Variants in SH2B2 observed in about 807,000 individuals in gnomAD.
SH2B2 encodes the protein SH2B adapter protein 2.
Under a neutral mutation model 35.7 loss-of-function variants are expected in SH2B2, and 37 were observed. The ratio of observed to expected loss-of-function variants is 1.04; its 90% CI spans 0.80 to 1.36. SH2B2 has a LOEUF of 1.36. SH2B2 is among the 40% of genes most tolerant of loss of function. The pLI, the probability that SH2B2 is intolerant of heterozygous loss-of-function variation, is 0.00. For synonymous variants in SH2B2, 383 were observed against 376.4 expected (o/e 1.02, Z -0.20); for missense variants, 852 against 817.7 (o/e 1.04, Z -0.51).
Position 102,317,248 on chromosome 7 carries a change from ATGGTTCCACGGGACAC to A in SH2B2, c.1251_1266del (p.Trp417CysfsTer22). The A allele has an allele frequency of 6.2e-7, 1 of 1,613,162 alleles. No individual in the cohort carries two copies. The highest frequency in any genetic ancestry group is 8.5e-7 in the Non-Finnish European group (1 of 1,179,596). ...CCGAGCTGGAGCTATCCGACTACCC[ATGGTTCCACGGGACAC>A]TGTCCCGGGTCAAGGCTGCTCAACT... On this transcript the variant is annotated frameshift_variant, in exon 7 of 9. Coordinates refer to ENST00000444095, the MANE Select transcript of SH2B2 (RefSeq NM_001359228.2). LOFTEE classifies it high-confidence loss of function.
At chr7:102,303,864 C>T (rs932064432) in intron 2 of SH2B2, among the ~76,000 whole-genome samples, 6 of 152,174 alleles carry the variant, frequency 3.9e-5, no homozygotes, top group African/African-American at 1.2e-4. Flanking sequence ...AGCTGGTGCC[C>T]GCCCCCGCCC....
Position 102,296,312 on chromosome 7 carries a change from G to T in SH2B2, c.-29-4210G>T, listed in dbSNP as rs567092917. ...TTGGATCCCAGAGGAGAGATGAGAT[G>T]GTGATCCCAGGAGCTGCGAGGGAGG... On this transcript the variant is annotated intron_variant, in intron 1 of 8. Coordinates refer to ENST00000444095, the MANE Select transcript of SH2B2 (RefSeq NM_001359228.2). Among the ~76,000 whole-genome samples, 4 of 152,306 alleles carry T rather than the reference G, an allele frequency of 2.6e-5. No individual in the cohort carries two copies. In the East Asian group the frequency reaches 7.7e-4, roughly 29 times the overall value.
intron 8 of SH2B2, among the ~76,000 whole-genome samples, 186 bp from the exon 9 acceptor site, chr7:102,321,113 G>C (rs931009574): frequency 6.6e-5 from 10 of 152,182 alleles, no homozygotes; most frequent in Admixed American, 2.6e-4. Flanking sequence ...CGCGTGGTTA[G>C]GTACATGTAT....
chr7:102,320,541 A>AG, intron 8 of SH2B2, 39 bp downstream of exon 8: 1 of 1,596,948 alleles, frequency 6.3e-7, no homozygotes, highest in South Asian at 1.1e-5. Context: ...TTACTCAAGA[A>AG]GACTTCCCGT....
intron 1 of SH2B2, among the ~76,000 whole-genome samples, chr7:102,287,927 C>G (rs1276810129): frequency 6.6e-6 from 1 of 152,208 alleles, no homozygotes; most frequent in Non-Finnish European, 1.5e-5. Context: ...ACGAATAAGC[C>G]AGGATCTACG....
In SH2B2 at chr7:102,321,649, T is replaced by G; in HGVS notation, c.*19T>G. The G allele has an allele frequency of 8.8e-7, 1 of 1,129,944 alleles. No individual in the cohort carries two copies. The highest frequency in any genetic ancestry group is 1.1e-6 in the Non-Finnish European group (1 of 921,074). 70.0% of individuals were successfully genotyped at this position (1,129,944 alleles called of 1,614,324 possible). On this transcript the variant is annotated 3_prime_UTR_variant, in exon 9 of 9. Coordinates refer to ENST00000444095, the MANE Select transcript of SH2B2 (RefSeq NM_001359228.2). ...CTACTAGCCCGCGGCGCCGCCCGGG[T>G]GGGACACGCCAAGCTCTTCAGTGAA...
At chr7:102,286,716 C>T (rs1307192764), upstream of SH2B2, among the ~76,000 whole-genome samples, 1 of 135,988 alleles carries the variant, frequency 7.4e-6, no homozygotes. Context: ...GCCGCTCGGG[C>T]TCCGCGGATG....
chr7:102,306,067 G>C (rs1254632224), intron 2 of SH2B2, among the ~76,000 whole-genome samples: 1 of 151,528 alleles, frequency 6.6e-6, no homozygotes, highest in African/African-American at 2.4e-5. Context: ...ACTCGGCTAA[G>C]TTTTTTGGTC....
chr7:102,320,503 G>C lies in SH2B2; in HGVS notation c.1567+1G>C, dbSNP rs890800501. On this transcript the variant is annotated splice_donor_variant, in intron 8 of 8. Coordinates refer to ENST00000444095, the MANE Select transcript of SH2B2 (RefSeq NM_001359228.2). LOFTEE classifies it high-confidence loss of function. ...GTGCGGGCCCAGGACCCCCCACCAG[G>C]TAAGATGCCGCCACCTGGCTGGTGT... 8 of 1,611,852 alleles carry C rather than the reference G, an allele frequency of 5.0e-6. No homozygotes were observed. Among genetic ancestry groups the C allele is most frequent in the African/African-American group, 4.0e-5 (3 of 74,868 alleles).
intron 6 of SH2B2, 88 bp from the exon 7 acceptor site, chr7:102,317,096 CCAA>C (rs782641834): frequency 2.8e-6 from 3 of 1,083,470 alleles, no homozygotes; most frequent in African/African-American, 3.2e-5. Context: ...TGTAAAAAAA[CCAA>C]CAAGACGTCA....
chr7:102,299,184 C>T (rs1466391478), intron 1 of SH2B2, among the ~76,000 whole-genome samples: 8 of 73,170 alleles, frequency 1.1e-4, no homozygotes, highest in African/African-American at 4.5e-4. Flanking sequence ...CAGGCATGAG[C>T]CACCGCGCCT....
At position 102,290,224 on chromosome 7, in the gene SH2B2, C is replaced by T. The variant is rs184300201; in HGVS notation, c.-30+3130C>T. Among the ~76,000 whole-genome samples, 497 of 143,470 alleles carry T rather than the reference C, an allele frequency of 3.5e-3. 1 individual carries two copies. The highest frequency in any genetic ancestry group is 0.013 in the African/African-American group (484 of 38,194). The allele number at this position is 143,470 out of a possible 152,430, so 94.1% of individuals were successfully genotyped here. Reference sequence around the variant, plus strand: ...GTCTCAGAAAGGGACCAGCCTGGAACTTGGCTCCATACCCCCCTTTTTTTT... The same window carrying T: ...GTCTCAGAAAGGGACCAGCCTGGAATTTGGCTCCATACCCCCCTTTTTTTT... On this transcript the variant is annotated intron_variant, in intron 1 of 8. Coordinates refer to ENST00000444095, the MANE Select transcript of SH2B2 (RefSeq NM_001359228.2).
chr7:102,297,652 CT>C lies in SH2B2; in HGVS notation c.-29-2869del, dbSNP rs1792978369. On this transcript the variant is annotated intron_variant, in intron 1 of 8. Coordinates refer to ENST00000444095, the MANE Select transcript of SH2B2 (RefSeq NM_001359228.2). The surrounding 1 kb of genome is among the most constrained non-coding windows in gnomAD (Gnocchi z 4.3). ...CAAGTGAGGGCTTAGGCGGTGACAG[CT>C]GTGACATGCCTGGTGTGCCAAACTC... 6.6e-6 allele frequency among the ~76,000 whole-genome samples: 1 copy of C among 152,152 alleles called. No homozygotes were observed. The highest frequency in any genetic ancestry group is 1.5e-5 in the Non-Finnish European group (1 of 68,038).
intron 6 of SH2B2, among the ~76,000 whole-genome samples, chr7:102,316,918 C>T (rs1554557096): frequency 6.6e-6 from 1 of 151,892 alleles, no homozygotes; most frequent in South Asian, 2.1e-4. Flanking sequence ...ACTCGGGAGG[C>T]TGAGGCAGGA....
At position 102,317,407 on chromosome 7, in the gene SH2B2, G is replaced by A. The variant is rs782422653; in HGVS notation, c.1395+12G>A. The A allele has an allele frequency of 1.9e-6, 3 of 1,554,856 alleles. No homozygotes were observed. The highest frequency in any genetic ancestry group is 1.8e-5 in the Admixed American group (1 of 56,298). On this transcript the variant is annotated intron_variant, in intron 7 of 8. Transcript: ENST00000444095. ...AGGGCAAGGCCAAGGCAAGTGTGTG[G>A]GGGGCGCCATGGGGGTGCAGTGGCC...
chr7:102,312,904 C>T (rs962087597), intron 4 of SH2B2, among the ~76,000 whole-genome samples: 18 of 151,734 alleles, frequency 1.2e-4, no homozygotes, highest in Non-Finnish European at 2.1e-4. Flanking sequence ...CCAAGGTGGG[C>T]GGATCACCTG....
chr7:102,301,793 G>C (rs952711130), intron 2 of SH2B2, among the ~76,000 whole-genome samples: 2 of 152,082 alleles, frequency 1.3e-5, no homozygotes, highest in Non-Finnish European at 2.9e-5. Context: ...GGCTGGTCCT[G>C]AACTCCTTAC....
At chr7:102,294,113 C>T (rs56729868) in intron 1 of SH2B2, among the ~76,000 whole-genome samples, 7 of 152,208 alleles carry the variant, frequency 4.6e-5, no homozygotes, top group Admixed American at 4.6e-4. Context: ...TCACTGCAGC[C>T]TCAACTTTCT....
In SH2B2 at chr7:102,317,229, T is replaced by A; in HGVS notation, c.1229T>A (p.Leu410Gln). 4 of 1,611,704 alleles carry A rather than the reference T, an allele frequency of 2.5e-6. No individual in the cohort carries two copies. The highest frequency in any genetic ancestry group is 3.4e-6 in the Non-Finnish European group (4 of 1,179,008). Residue 410 changes from leucine (L) to glutamine (Q), a missense_variant, in exon 7 of 9, where the codon CTG (leucine) becomes CAG (glutamine). By Grantham distance (113) the Leu-to-Gln change is moderately radical. Around this residue, in one of 3 missense-constraint regions of SH2B2, gnomAD observed 556 missense variants for 514.5 expected, o/e 1.08. Transcript: ENST00000444095. ...AETDPEAEPE[L>Q]ELSDYPWFHG... is the part of the protein sequence containing the mutation. ...ACGGATCCCGAGGCTGAACCCGAGC[T>A]GGAGCTATCCGACTACCCATGGTTC...
Sources: allele counts gnomAD v4.1 joint callset (sites outside exome capture counted in the v4.1 genomes callset), GRCh38; gene constraint gnomAD v4.1.1; regional missense constraint gnomAD v4.1.1; non-coding constraint Gnocchi (gnomAD v3.1); transcripts MANE v1.5; gene names NCBI Gene and HGNC (gene_info 2026-07-23, HGNC 2026-07-21).